ATG10: variants seen among roughly 807,000 people sequenced by gnomAD.
ATG10 encodes the protein autophagy related 10.
Under a neutral mutation model 32.1 loss-of-function variants are expected in ATG10, and 30 were observed. The ratio of observed to expected loss-of-function variants is 0.94; its 90% CI spans 0.70 to 1.27. ATG10 has a LOEUF of 1.27. Ranked by LOEUF, ATG10 falls within the 50% of genes most tolerant of loss-of-function variation. The probability of loss-of-function intolerance (pLI) is 0.00; values close to 1 mark genes in which losing one functional copy is unlikely to be tolerated. For synonymous variants in ATG10, 87 were observed against 91.5 expected (o/e 0.95, Z 0.28); for missense variants, 233 against 262.3 (o/e 0.89, Z 0.77).
At chr5:82,137,088 G>A (rs1239891696) in intron 3 of ATG10, among the ~76,000 whole-genome samples, 2 of 151,954 alleles carry the variant, frequency 1.3e-5, no homozygotes, top group East Asian at 1.9e-4. Flanking sequence ...CTCTAAACTC[G>A]TTATTTTAGT....
chr5:82,199,879 T>A (rs1744999065), intron 5 of ATG10, among the ~76,000 whole-genome samples: 1 of 152,218 alleles, frequency 6.6e-6, no homozygotes, highest in Non-Finnish European at 1.5e-5. Flanking sequence ...CGGAATGTCA[T>A]ATATGGATTT....
At chr5:82,162,634 T>A (rs1743401119) in intron 3 of ATG10, among the ~76,000 whole-genome samples, 1 of 151,974 alleles carries the variant, frequency 6.6e-6, no homozygotes, top group Non-Finnish European at 1.5e-5. Context: ...AAAACTATAA[T>A]CAACCTAAAA....
chr5:82,175,387 C>G (rs1421800532), intron 4 of ATG10, among the ~76,000 whole-genome samples: 1 of 152,098 alleles, frequency 6.6e-6, no homozygotes, highest in Non-Finnish European at 1.5e-5. Context: ...TTCAAATAAT[C>G]CTCCCACCTG....
At chr5:82,136,777 G>A (rs1489699966) in intron 3 of ATG10, among the ~76,000 whole-genome samples, 1 of 152,120 alleles carries the variant, frequency 6.6e-6, no homozygotes, top group Non-Finnish European at 1.5e-5. Flanking sequence ...GGTTGGGGAC[G>A]TTCTCCTGGA....
intron 2 of ATG10, among the ~76,000 whole-genome samples, chr5:82,029,086 AT>A (rs1485371116): frequency 6.6e-6 from 1 of 152,216 alleles, no homozygotes; most frequent in Non-Finnish European, 1.5e-5. Flanking sequence ...GTCATAAGAA[AT>A]TTTCAAATCA....
chr5:82,192,017 C>A (rs1744682408), intron 5 of ATG10, among the ~76,000 whole-genome samples: 1 of 152,150 alleles, frequency 6.6e-6, no homozygotes, highest in Admixed American at 6.5e-5. Flanking sequence ...ATAGTAGATG[C>A]ATTTGTGCAG....
At chr5:81,994,176 T>C (rs946725422) in intron 2 of ATG10, among the ~76,000 whole-genome samples, 1 of 152,226 alleles carries the variant, frequency 6.6e-6, no homozygotes, top group Non-Finnish European at 1.5e-5. Flanking sequence ...ATTTTCTATA[T>C]GATTTTTTTT....
At chr5:81,978,543 G>A (rs1347128690) in intron 1 of ATG10, among the ~76,000 whole-genome samples, 1 of 152,152 alleles carries the variant, frequency 6.6e-6, no homozygotes, top group Non-Finnish European at 1.5e-5. Flanking sequence ...ATTGTCATCA[G>A]TGGTGGAACA....
chr5:81,997,677 T>C (rs1287900611), intron 2 of ATG10, among the ~76,000 whole-genome samples: 1 of 152,134 alleles, frequency 6.6e-6, no homozygotes, highest in African/African-American at 2.4e-5. Context: ...AAATGGCCAT[T>C]TTTAAGAAAG....
intron 2 of ATG10, among the ~76,000 whole-genome samples, chr5:82,032,851 A>T (rs1445641438): frequency 1.3e-5 from 2 of 152,064 alleles, no homozygotes; most frequent in African/African-American, 2.4e-5. Context: ...ATATTAATTC[A>T]TCTAATCCCT....
chr5:82,015,895 G>T (rs948157856), intron 2 of ATG10, among the ~76,000 whole-genome samples: 7 of 152,146 alleles, frequency 4.6e-5, no homozygotes, highest in Non-Finnish European at 7.3e-5. Context: ...TGGAGGAGAG[G>T]CACTCTGATT....
chr5:82,107,942 G>T (rs1196287161), intron 3 of ATG10, among the ~76,000 whole-genome samples: 1 of 152,052 alleles, frequency 6.6e-6, no homozygotes, highest in African/African-American at 2.4e-5. Context: ...GAATGGAGCA[G>T]CATGAATGCA....
chr5:82,061,818 C>CTT (rs11459926), intron 3 of ATG10, among the ~76,000 whole-genome samples: 6,771 of 80,900 alleles, frequency 0.084, 880 homozygotes, highest in East Asian at 0.14. Flanking sequence ...ACACACATAC[C>CTT]TTTTTTTTTT....
At chr5:82,001,387 C>T (rs1264515824) in intron 2 of ATG10, among the ~76,000 whole-genome samples, 1 of 152,046 alleles carries the variant, frequency 6.6e-6, no homozygotes, top group East Asian at 1.9e-4. Flanking sequence ...TCCCATTACC[C>T]AACTTCAAAC....
intron 3 of ATG10, among the ~76,000 whole-genome samples, chr5:82,084,580 G>C (rs1013840636): frequency 6.6e-6 from 1 of 152,214 alleles, no homozygotes; most frequent in African/African-American, 2.4e-5. Context: ...GGCAGCCAGA[G>C]AGAAAGGTCG....
intron 2 of ATG10, among the ~76,000 whole-genome samples, chr5:82,012,337 C>T (rs1042217422): frequency 5.9e-5 from 9 of 152,268 alleles, no homozygotes; most frequent in East Asian, 3.9e-4. Flanking sequence ...TCCTGCCTCC[C>T]GAGGCCACAT....
intron 3 of ATG10, among the ~76,000 whole-genome samples, chr5:82,145,283 A>T (rs1384631115): frequency 1.3e-5 from 2 of 152,114 alleles, no homozygotes; most frequent in African/African-American, 4.8e-5. Context: ...CTATCATTTT[A>T]TTAACTTTTT....
chr5:82,187,577 T>C (rs1408978071), intron 5 of ATG10, among the ~76,000 whole-genome samples: 2 of 151,768 alleles, frequency 1.3e-5, no homozygotes, highest in Non-Finnish European at 2.9e-5. Flanking sequence ...CTAAGTAATT[T>C]ATTTTCTTTC....
chr5:82,100,725 A>G (rs553446079), intron 3 of ATG10, among the ~76,000 whole-genome samples: 93 of 151,526 alleles, frequency 6.1e-4, no homozygotes, highest in African/African-American at 2.1e-3. Context: ...AGGCAGGGAA[A>G]GTCTGGTGTA....
Sources: gnomAD v4.1 joint callset for allele counts (sites outside exome capture counted in the v4.1 genomes callset) on GRCh38, gnomAD v4.1.1 for gene constraint, MANE v1.5 for transcripts, NCBI Gene and HGNC (gene_info 2026-07-23, HGNC 2026-07-21) for gene names.